The following CC2D1B variants were observed in gnomAD, a reference collection of about 807,000 sequenced individuals.
The protein encoded by CC2D1B is coiled-coil and C2 domain-containing protein 1B.
Under a neutral mutation model 110.8 loss-of-function variants are expected in CC2D1B, and 92 were observed. The ratio of observed to expected loss-of-function variants is 0.83; its 90% CI spans 0.70 to 0.99. The LOEUF (loss-of-function observed/expected upper bound fraction) is 0.99, where lower values mean the gene tolerates loss of function less well. CC2D1B is among the 50% of genes least tolerant of loss of function. CC2D1B has a pLI of 0.00. For missense variants in CC2D1B, 1,136 were observed against 1,089.0 expected, an observed-to-expected ratio of 1.04 and a Z score of -0.61; for synonymous variants, 406 against 429.2, an observed-to-expected ratio of 0.95 and a Z score of 0.67.
In CC2D1B at chr1:52,359,047, T is replaced by C. The variant is rs1302090744; in HGVS notation, c.1237A>G (p.Met413Val). ...RSGGDERKARMHERIAKQYQD... is the reference protein window; with the variant it reads ...RSGGDERKARVHERIAKQYQD... ...CCCACCTTGGCAATGCGCTCATGCA[T>C]CCGAGCCTTGCGCTCGTCCCCACCA... The change falls in exon 11 of 25, where the codon ATG becomes GTG. Residue 413 changes from methionine (M) to valine (V), a missense_variant. Transcript: ENST00000284376. 6.2e-7 allele frequency: 1 copy of C among 1,607,316 alleles called. No homozygotes were observed. The highest frequency in any genetic ancestry group is 1.7e-5 in the Admixed American group (1 of 60,016).
rs757858268 is a variant in CC2D1B at position 52,354,846 on chromosome 1, T to A, written c.2333A>T (p.His778Leu). Residue 778 changes from histidine (H) to leucine (L), a missense_variant, in exon 22 of 25, where the codon CAC (histidine) becomes CTC (leucine). Physicochemically the swap from His to Leu is moderately conservative, Grantham distance 99. Transcript: ENST00000284376. ...QSKGIKFEIF[H>L]KGSFFRSDKL... The stretch of plus-strand genomic sequence containing the variant: ...TGACCGATAGGAGCCTCACCCTTTG[T>A]GGAAGATCTCAAACTTGATGCCTTT... 11 of 1,613,982 alleles carry A rather than the reference T, an allele frequency of 6.8e-6. No homozygotes were observed. The South Asian group carries it at 1.2e-4, about 18-fold the overall frequency.
chr1:52,358,482 G>T, intron 12 of CC2D1B, 21 bp from the exon 13 acceptor site: 1 of 1,610,868 alleles, frequency 6.2e-7, no homozygotes, highest in South Asian at 1.1e-5. Flanking sequence ...GAGACAGCAT[G>T]GGAGGGGCAG....
At chr1:52,360,353 G>A in intron 6 of CC2D1B, 71 bp downstream of exon 6, 1 of 1,596,624 alleles carries the variant, frequency 6.3e-7, no homozygotes, top group Non-Finnish European at 8.5e-7. Flanking sequence ...CCCCTCCACT[G>A]GTGCGATCTC....
Position 52,366,170 on chromosome 1 carries a change from A to AG in CC2D1B, c.-117dup. ...AGCGGTAGCGACAGGAAGCGCCAGC[A>AG]GGGGAGGTGGCTCGCGCGCAACACG... On this transcript the variant is annotated 5_prime_UTR_variant, in exon 1 of 25. Transcript: ENST00000284376. The AG allele has an allele frequency of 6.6e-6, 1 of 152,348 alleles. No homozygotes were observed. Among genetic ancestry groups the AG allele is most frequent in the East Asian group, 1.9e-4 (1 of 5,164 alleles). The allele number at this position is 152,348 out of a possible 1,614,324, so 9.4% of individuals were successfully genotyped here.
intron 4 of CC2D1B, 163 bp downstream of exon 4, chr1:52,361,350 C>G: frequency 7.6e-7 from 1 of 1,322,386 alleles, no homozygotes; most frequent in Non-Finnish European, 1.0e-6. Context: ...GAGCTTAGAC[C>G]AGAAGTCAAA....
intron 11 of CC2D1B, 71 bp from the exon 12 acceptor site, chr1:52,358,829 A>G (rs945236022): frequency 6.7e-7 from 1 of 1,498,322 alleles, no homozygotes; most frequent in African/African-American, 1.4e-5. Flanking sequence ...CATGACACAC[A>G]GTGGGGCAAG....
rs761044618 is a variant in CC2D1B, at chr1:52,360,393, C to T, written c.603+31G>A. 7.4e-6 allele frequency: 12 copies of T among 1,610,774 alleles called. 1 individual carries two copies. The Admixed American group carries it at 1.2e-4, about 16-fold the overall frequency. On this transcript the variant is annotated intron_variant, in intron 6 of 24. Transcript: ENST00000284376. ...AGCCGCCTTTCATGCAGCCCCCTCC[C>T]CTGCCCTGCTCCCAGCCTAGCCCGA...
chr1:52,357,403 CT>C, intron 15 of CC2D1B, 122 bp downstream of exon 15: 3 of 1,096,070 alleles, frequency 2.7e-6, no homozygotes, highest in Non-Finnish European at 3.8e-6. Context: ...TCTTTCCCAG[CT>C]GTCATCATGC....
intron 24 of CC2D1B, 90 bp downstream of exon 24, chr1:52,353,428 A>G: frequency 6.6e-7 from 1 of 1,525,054 alleles, no homozygotes; most frequent in Non-Finnish European, 8.8e-7. Context: ...TAGATGAGAA[A>G]CTCCTAGGTT....
At chr1:52,356,807 AG>A in intron 16 of CC2D1B, 193 bp downstream of exon 16, 1 of 630,148 alleles carries the variant, frequency 1.6e-6, no homozygotes. Context: ...CCACCCTGAA[AG>A]GGGTATTATC....
chr1:52,361,164 G>C, intron 4 of CC2D1B, 32 bp from the exon 5 acceptor site: 1 of 1,613,212 alleles, frequency 6.2e-7, no homozygotes, highest in Non-Finnish European at 8.5e-7. Context: ...CAGGAGCTTG[G>C]GGGCCTCAAG....
chr1:52,353,926 A>C, intron 23 of CC2D1B: 1 of 334,930 alleles, frequency 3.0e-6, no homozygotes, highest in Non-Finnish European at 5.5e-6. Context: ...TCTGGAAGAA[A>C]CATTGGCTTG....
At chr1:52,357,209 A>G in intron 15 of CC2D1B, 83 bp from the exon 16 acceptor site, 1 of 1,510,740 alleles carries the variant, frequency 6.6e-7, no homozygotes, top group African/African-American at 1.4e-5. Flanking sequence ...GCCCAAACTA[A>G]GTAATTCTTC....
rs200669825 is a variant in CC2D1B at position 52,360,582 on chromosome 1, C to T, written c.478-33G>A. 6.1e-5 allele frequency: 98 copies of T among 1,605,256 alleles called. 1 individual carries two copies. The African/African-American group carries it at 1.3e-3, about 21-fold the overall frequency. On this transcript the variant is annotated intron_variant, in intron 5 of 24. Transcript: ENST00000284376. ...CAATTCAGCTAAGGGCCTGGCCACT[C>T]CAGGGCCTGCTAGGCCTACCATTCT...
Position 52,359,294 on chromosome 1 carries a change from T to C in CC2D1B, c.1082A>G (p.Glu361Gly), listed in dbSNP as rs894476384. ...AGGGGCCATCACTGGCTGCACTCGC[T>C]CCACGGCTGGGGGAATGACTGAGGG... ...TAPSVIPPAV[E>G]RVQPVMAPDV... is the part of the protein sequence containing the mutation. The change falls in exon 10 of 25, where the codon GAG becomes GGG. Residue 361 changes from glutamate (E) to glycine (G), a missense_variant. By Grantham distance (98) the Glu-to-Gly change is moderately conservative (BLOSUM62 -2). Transcript: ENST00000284376. The C allele has an allele frequency of 2.5e-6, 4 of 1,613,406 alleles. No individual in the cohort carries two copies. The African/African-American group carries it at 5.3e-5, about 21-fold the overall frequency.
chr1:52,360,106 G>A lies in CC2D1B; in HGVS notation c.731C>T (p.Thr244Ile). 6.2e-7 allele frequency: 1 copy of A among 1,601,488 alleles called. No individual in the cohort carries two copies. Among genetic ancestry groups the A allele is most frequent in the Non-Finnish European group, 8.5e-7 (1 of 1,173,954 alleles). ...CAAGGCAGGGGGAGCTGGAGGGTCT[G>A]TCTCAGGGCTCCTGTTGGCTGGTTC... ...PQEPANRSPE[T>I]DPPAPPALES... The change falls in exon 7 of 25, where the codon ACA (threonine) becomes ATA (isoleucine). Residue 244 changes from threonine (T) to isoleucine (I), a missense_variant. Transcript: ENST00000284376.
At chr1:52,364,754 T>C (rs1646850442) in intron 1 of CC2D1B, 120 bp from the exon 2 acceptor site, 1 of 541,924 alleles carries the variant, frequency 1.8e-6, no homozygotes, top group African/African-American at 1.9e-5. Context: ...AACACCAAAG[T>C]ATGGGTTACC....
rs1646732235 is a variant in CC2D1B, at chr1:52,359,525, C to T, written c.952G>A (p.Ala318Thr). 2 of 1,613,888 alleles carry T rather than the reference C, an allele frequency of 1.2e-6. No homozygotes were observed. Among genetic ancestry groups the T allele is most frequent in the African/African-American group, 1.3e-5 (1 of 75,058 alleles). The change falls in exon 9 of 25, where the codon GCT (alanine) becomes ACT (threonine). Residue 318 changes from alanine (A) to threonine (T), a missense_variant. Physicochemically the swap from Ala to Thr is moderately conservative, Grantham distance 58. Transcript: ENST00000284376. ...CCCTTCTCCAGGGCCTCCAGGACAGCACCGAATCTCTGCAGAAGTTGGAAA... is the reference window on the plus strand; with the variant it reads ...CCCTTCTCCAGGGCCTCCAGGACAGTACCGAATCTCTGCAGAAGTTGGAAA... ...ELMRIGKRFG[A>T]VLEALEKGQP...
chr1:52,358,795 G>A, intron 11 of CC2D1B, 37 bp from the exon 12 acceptor site: 1 of 1,579,546 alleles, frequency 6.3e-7, no homozygotes, highest in Non-Finnish European at 8.6e-7. Flanking sequence ...GTGGTCGGCA[G>A]CAGCCCACAG....
Sources: allele counts gnomAD v4.1 joint callset, GRCh38; gene constraint gnomAD v4.1.1; transcripts MANE v1.5; gene names NCBI Gene and HGNC (gene_info 2026-07-23, HGNC 2026-07-21).